HELZ: variants seen among roughly 807,000 people sequenced by gnomAD.
HELZ encodes helicase with zinc finger.
A neutral mutation model predicts 218.2 loss-of-function variants in HELZ; 23 were observed. The observed-to-expected ratio is 0.11, with a 90% confidence interval of 0.08 to 0.15. The LOEUF is 0.15. HELZ is among the 10% of genes least tolerant of loss of function. The probability of loss-of-function intolerance (pLI) is 1.00; values close to 1 mark genes in which losing one functional copy is unlikely to be tolerated. For missense variants in HELZ, 1,813 were observed against 2,353.7 expected, an observed-to-expected ratio of 0.77 and a Z score of 4.75; for synonymous variants, 814 against 829.4, an observed-to-expected ratio of 0.98 and a Z score of 0.32.
intron 13 of HELZ, among the ~76,000 whole-genome samples, chr17:67,175,874 A>C (rs901832414): frequency 6.6e-6 from 1 of 152,232 alleles, no homozygotes; most frequent in Non-Finnish European, 1.5e-5. Flanking sequence ...CAGCTGATTT[A>C]CATTTTGTAA....
At chr17:67,229,653 C>T (rs2040984566) in intron 3 of HELZ, among the ~76,000 whole-genome samples, 1 of 152,158 alleles carries the variant, frequency 6.6e-6, no homozygotes, top group South Asian at 2.1e-4. Context: ...AAGAACTGTC[C>T]TGTACCAAAT....
chr17:67,183,380 T>C (rs1378591022), intron 12 of HELZ, among the ~76,000 whole-genome samples: 4 of 152,246 alleles, frequency 2.6e-5, no homozygotes, highest in Admixed American at 2.6e-4. Context: ...TACATACTTC[T>C]ATTCAGTTTC....
At chr17:67,219,107 T>C (rs2040679967) in intron 3 of HELZ, among the ~76,000 whole-genome samples, 1 of 152,164 alleles carries the variant, frequency 6.6e-6, no homozygotes, top group Non-Finnish European at 1.5e-5. Flanking sequence ...AAATGAAACA[T>C]GACTGTGAAT....
At chr17:67,116,786 T>A (rs765577580) in intron 27 of HELZ, among the ~76,000 whole-genome samples, 26 of 152,150 alleles carry the variant, frequency 1.7e-4, no homozygotes, top group Admixed American at 7.2e-4. Flanking sequence ...CAGTAATTGA[T>A]AGAAAGAGTA....
chr17:67,119,993 CTTTTTTTTTTTTTTTT>C (rs56893875), intron 27 of HELZ: 4 of 161,982 alleles, frequency 2.5e-5, no homozygotes, highest in South Asian at 4.9e-5. Context: ...TCTCCCTTTT[CTTTTTTTTTTTTTTTT>C]TTTTTTTTTT....
chr17:67,132,273 C>A (rs542357670), intron 23 of HELZ, among the ~76,000 whole-genome samples: 1 of 151,188 alleles, frequency 6.6e-6, no homozygotes, highest in South Asian at 2.1e-4. Flanking sequence ...TATCTCTACA[C>A]ATACATGAAA....
intron 3 of HELZ, among the ~76,000 whole-genome samples, chr17:67,219,536 G>A (rs2040689310): frequency 6.6e-6 from 1 of 152,160 alleles, no homozygotes; most frequent in African/African-American, 2.4e-5. Flanking sequence ...CAGATGACAG[G>A]GAGAGCAAAT....
At chr17:67,079,081 G>A (rs961188037) in intron 32 of HELZ, among the ~76,000 whole-genome samples, 4 of 152,182 alleles carry the variant, frequency 2.6e-5, no homozygotes, top group Non-Finnish European at 4.4e-5. Context: ...TAAGGGGTGC[G>A]TGTGGAGACT....
At chr17:67,219,828 G>A (rs2040697912) in intron 3 of HELZ, among the ~76,000 whole-genome samples, 1 of 152,188 alleles carries the variant, frequency 6.6e-6, no homozygotes, top group South Asian at 2.1e-4. Context: ...ATTGCCATTA[G>A]TAAGAGATCA....
chr17:67,173,065 G>A, intron 13 of HELZ: 1 of 979,302 alleles, frequency 1.0e-6, no homozygotes, highest in Non-Finnish European at 1.2e-6. Context: ...AAATTCTTGA[G>A]GTAGAGGCAC....
intron 17 of HELZ, among the ~76,000 whole-genome samples, chr17:67,152,656 G>A (rs2038720494): frequency 2.0e-5 from 3 of 151,720 alleles, no homozygotes; most frequent in South Asian, 4.2e-4. Flanking sequence ...CAGTAAGCAA[G>A]GCAATACATA....
Position 67,188,665 on chromosome 17 carries a change from C to G in HELZ, c.865-49G>C. ...ATTGAGTACAAGGGGGTGAAAAATC[C>G]AATTGTAATTGGGCTCTTCAATGAA... On this transcript the variant is annotated intron_variant, in intron 11 of 32. Transcript: ENST00000358691. This position sits in a 1 kb window ranked among gnomAD's most constrained non-coding sequence, Gnocchi z 4.1. 6.8e-7 allele frequency: 1 copy of G among 1,463,710 alleles called. No homozygotes were observed. Among genetic ancestry groups the G allele is most frequent in the Non-Finnish European group, 9.4e-7 (1 of 1,066,732 alleles). The allele number at this position is 1,463,710 out of a possible 1,614,324, so 90.7% of individuals were successfully genotyped here. A position where few individuals can be genotyped will look rare whatever the true frequency, so the allele number is the denominator to read the frequency against.
At chr17:67,180,514 C>T (rs895604722) in intron 12 of HELZ, among the ~76,000 whole-genome samples, 2 of 151,998 alleles carry the variant, frequency 1.3e-5, no homozygotes, top group East Asian at 1.9e-4. Flanking sequence ...GAAGCTGAAG[C>T]GGGAGGATCA....
intron 28 of HELZ, among the ~76,000 whole-genome samples, 164 bp from the exon 29 acceptor site, chr17:67,109,850 A>AT (rs983690212): frequency 6.6e-5 from 10 of 151,896 alleles, no homozygotes; most frequent in East Asian, 1.9e-4. Flanking sequence ...AATAAAGGAA[A>AT]TTTTTTTTTA....
intron 4 of HELZ, among the ~76,000 whole-genome samples, chr17:67,216,321 T>C (rs1306932453): frequency 2.0e-5 from 3 of 152,156 alleles, no homozygotes; most frequent in Non-Finnish European, 2.9e-5. Flanking sequence ...ACAGACATAC[T>C]ACCATGCTCC....
rs530840037 is a variant in HELZ at position 67,202,247 on chromosome 17, T to C, written c.373-1062A>G. On this transcript the variant is annotated intron_variant, in intron 6 of 32. Transcript: ENST00000358691. Reference sequence around the variant, plus strand: ...AACTGGTTTAAAAAAAAAAAGGTTATAGCTCTTTTCTTCCACTTTCTATAG... The same window carrying C: ...AACTGGTTTAAAAAAAAAAAGGTTACAGCTCTTTTCTTCCACTTTCTATAG... 4.6e-5 allele frequency among the ~76,000 whole-genome samples: 7 copies of C among 152,236 alleles called. No homozygotes were observed. In the South Asian group the frequency reaches 8.3e-4, roughly 18 times the overall value.
intron 23 of HELZ, 47 bp from the exon 24 acceptor site, chr17:67,128,902 T>C (rs1325399034): frequency 7.4e-7 from 1 of 1,353,756 alleles, no homozygotes; most frequent in African/African-American, 1.4e-5. Context: ...ATGGATGAGA[T>C]CACAGAAATG....
intron 31 of HELZ, among the ~76,000 whole-genome samples, chr17:67,089,909 A>AT (rs746820066): frequency 3.4e-4 from 51 of 151,616 alleles, no homozygotes; most frequent in Non-Finnish European, 5.6e-4. Flanking sequence ...AATGCCATTT[A>AT]TTTTCTTGCC....
chr17:67,109,827 T>C (rs1363657195), intron 28 of HELZ, 141 bp from the exon 29 acceptor site: 2 of 560,898 alleles, frequency 3.6e-6, no homozygotes, highest in South Asian at 7.7e-5. Context: ...AATTATTTAC[T>C]TTCTCACAAT....
Sources: gnomAD v4.1 joint callset for allele counts (sites outside exome capture counted in the v4.1 genomes callset) on GRCh38, gnomAD v4.1.1 for gene constraint, Gnocchi (gnomAD v3.1) non-coding constraint, MANE v1.5 for transcripts, NCBI Gene and HGNC (gene_info 2026-07-23, HGNC 2026-07-21) for gene names.